RAD18: variants seen among roughly 807,000 people sequenced by gnomAD.
The protein encoded by RAD18 is RAD18 E3 ubiquitin protein ligase, also known as E3 ubiquitin-protein ligase RAD18.
Under a neutral mutation model 60.4 loss-of-function variants are expected in RAD18, and 47 were observed. The ratio of observed to expected loss-of-function variants is 0.78; its 90% confidence interval spans 0.62 to 0.99. The LOEUF is 0.99. RAD18 is among the 50% of genes least tolerant of loss of function. The pLI is 0.00. For synonymous variants in RAD18, 225 were observed against 195.5 expected (o/e 1.15, Z -1.26); for missense variants, 640 against 593.3 (o/e 1.08, Z -0.82).
At position 8,893,927 on chromosome 3, in the gene RAD18, T is replaced by C. The variant is rs140643606; in HGVS notation, c.1323-3476A>G. ...CTGGTTTCAAACTCCCAGGCTCAAG[T>C]GATCCTCCCGCCTTGCTTGGCTTCT... On this transcript the variant is annotated intron_variant, in intron 11 of 12. Coordinates refer to ENST00000264926, the MANE Select transcript of RAD18 (RefSeq NM_020165.4). Among the ~76,000 whole-genome samples the C allele has an allele frequency of 1.1e-3, 173 of 152,238 alleles. 1 individual carries two copies. Among genetic ancestry groups the C allele is most frequent in the Non-Finnish European group, 1.6e-3 (110 of 68,012 alleles).
chr3:8,921,166 A>C (rs1490084539), intron 7 of RAD18, among the ~76,000 whole-genome samples: 1 of 152,248 alleles, frequency 6.6e-6, no homozygotes, highest in African/African-American at 2.4e-5. Flanking sequence ...GTAATTCATA[A>C]AGCAAATGAG....
intron 7 of RAD18, among the ~76,000 whole-genome samples, chr3:8,924,902 T>C (rs1423215276): frequency 6.6e-6 from 1 of 152,072 alleles, no homozygotes; most frequent in African/African-American, 2.4e-5. Flanking sequence ...CTGGGACACA[T>C]TTAAAGCAGT....
intron 11 of RAD18, among the ~76,000 whole-genome samples, chr3:8,898,547 G>A (rs1939840758): frequency 6.6e-6 from 1 of 152,112 alleles, no homozygotes; most frequent in Non-Finnish European, 1.5e-5. Flanking sequence ...TATGCGCCAT[G>A]TCTTTCTGAT....
At chr3:8,937,104 T>G (rs1251987512) in intron 6 of RAD18, among the ~76,000 whole-genome samples, 4 of 152,212 alleles carry the variant, frequency 2.6e-5, no homozygotes, top group African/African-American at 7.2e-5. Flanking sequence ...TTCTGAAAAT[T>G]GCTCTTCTTA....
At chr3:8,960,160 C>T (rs1459217466) in intron 1 of RAD18, among the ~76,000 whole-genome samples, 2 of 152,072 alleles carry the variant, frequency 1.3e-5, no homozygotes, top group Admixed American at 1.3e-4. Flanking sequence ...TTTAAAAATT[C>T]GTTGGGAGTA....
At chr3:8,912,247 A>T (rs1206166870) in intron 9 of RAD18, 65 bp downstream of exon 9, 7 of 1,233,672 alleles carry the variant, frequency 5.7e-6, no homozygotes, top group Non-Finnish European at 7.9e-6. Flanking sequence ...TATTCTGAAA[A>T]ATTACTTAAG....
At position 8,922,070 on chromosome 3, in the gene RAD18, G is replaced by C. The variant is rs377257868; in HGVS notation, c.890-8350C>G. ...CTGAGGTACCAGGTTCATCTCACTG[G>C]GGATTTTCGGACAGTGGGTGCAGGA... On this transcript the variant is annotated intron_variant, in intron 7 of 12. Coordinates refer to ENST00000264926, the MANE Select transcript of RAD18 (RefSeq NM_020165.4). 5.9e-5 allele frequency among the ~76,000 whole-genome samples: 9 copies of C among 152,316 alleles called. No homozygotes were observed. In the East Asian group the frequency reaches 1.4e-3, roughly 23 times the overall value.
chr3:8,909,878 A>G (rs765777480), intron 9 of RAD18, among the ~76,000 whole-genome samples: 22 of 152,238 alleles, frequency 1.4e-4, no homozygotes, highest in Non-Finnish European at 2.6e-4. Context: ...AAAGTTTACA[A>G]ATTCGTTTTG....
At chr3:8,891,075 A>AAT (rs71049753) in intron 11 of RAD18, among the ~76,000 whole-genome samples, 2,613 of 25,886 alleles carry the variant, frequency 0.1, 27 homozygotes, top group Middle Eastern at 0.25. Context: ...ATATATATAA[A>AAT]ATATATATAT....
intron 2 of RAD18, among the ~76,000 whole-genome samples, chr3:8,958,714 A>G (rs1941049471): frequency 6.6e-6 from 1 of 152,246 alleles, no homozygotes. Context: ...TAAAAATATC[A>G]AAGAGGAACG....
intron 7 of RAD18, among the ~76,000 whole-genome samples, chr3:8,925,669 A>G (rs1277301925): frequency 6.6e-6 from 1 of 152,234 alleles, no homozygotes; most frequent in Non-Finnish European, 1.5e-5. Context: ...TCAATAAAAT[A>G]TTGGCAAACC....
intron 4 of RAD18, among the ~76,000 whole-genome samples, chr3:8,945,468 C>CTT (rs375744764): frequency 0.084 from 8,071 of 96,356 alleles, 674 homozygotes; most frequent in African/African-American, 0.14. Flanking sequence ...TTTCCATCTT[C>CTT]TTTTTTTTTT....
At chr3:8,893,619 G>A (rs9847943) in intron 11 of RAD18, among the ~76,000 whole-genome samples, 84 of 151,570 alleles carry the variant, frequency 5.5e-4, no homozygotes, top group African/African-American at 2.0e-3. Flanking sequence ...TGACAATGAC[G>A]AAAATTATCA....
At chr3:8,943,583 C>T (rs1940791385) in intron 4 of RAD18, among the ~76,000 whole-genome samples, 1 of 151,066 alleles carries the variant, frequency 6.6e-6, no homozygotes, top group Non-Finnish European at 1.5e-5. Flanking sequence ...CCAGAAGGAA[C>T]AGAAAGAAAG....
chr3:8,920,064 C>T (rs977276087), intron 7 of RAD18, among the ~76,000 whole-genome samples: 9 of 152,122 alleles, frequency 5.9e-5, no homozygotes, highest in Non-Finnish European at 1.2e-4. Flanking sequence ...AGACAGATCA[C>T]GAGGTCAGGA....
At chr3:8,935,184 T>C (rs1367317038) in intron 7 of RAD18, among the ~76,000 whole-genome samples, 1 of 152,236 alleles carries the variant, frequency 6.6e-6, no homozygotes, top group Non-Finnish European at 1.5e-5. Flanking sequence ...ACTTATAATT[T>C]GTGTGTTTTA....
chr3:8,956,986 G>C (rs1941026213), intron 2 of RAD18, among the ~76,000 whole-genome samples: 1 of 152,154 alleles, frequency 6.6e-6, no homozygotes, highest in African/African-American at 2.4e-5. Flanking sequence ...AAGGCATATA[G>C]ATCAGAAAGG....
intron 4 of RAD18, among the ~76,000 whole-genome samples, chr3:8,945,385 A>G (rs1181415584): frequency 6.6e-6 from 1 of 151,454 alleles, no homozygotes; most frequent in African/African-American, 2.4e-5. Flanking sequence ...ACGATAATGG[A>G]GCTGAAAAAT....
intron 7 of RAD18, among the ~76,000 whole-genome samples, chr3:8,925,575 T>A (rs1048293119): frequency 2.6e-5 from 4 of 152,106 alleles, no homozygotes; most frequent in African/African-American, 7.2e-5. Context: ...ACCAGCATCA[T>A]CCTGATACCA....
Sources: allele counts gnomAD v4.1 joint callset (sites outside exome capture counted in the v4.1 genomes callset), GRCh38; gene constraint gnomAD v4.1.1; transcripts MANE v1.5; gene names NCBI Gene and HGNC (gene_info 2026-07-23, HGNC 2026-07-21).